ARK2C: variants seen among roughly 807,000 people sequenced by gnomAD.
ARK2C encodes the protein E3 ubiquitin-protein ligase ARK2C.
chr18:46,338,148 G>C, the ARK2C span, among the ~76,000 whole-genome samples: 1 of 152,152 alleles, frequency 6.6e-6, no homozygotes, highest in East Asian at 1.9e-4. Context: ...TTTTCTGTTT[G>C]CTGTCTCATT....
chr18:46,401,684 G>A, the ARK2C span, among the ~76,000 whole-genome samples: 3,118 of 152,268 alleles, frequency 0.02, 95 homozygotes, highest in African/African-American at 0.071. Context: ...CAGGCTGCTC[G>A]TTAAGTGAAC....
the ARK2C span, among the ~76,000 whole-genome samples, chr18:46,439,871 G>T: frequency 6.6e-6 from 1 of 151,796 alleles, no homozygotes; most frequent in Admixed American, 6.6e-5. Context: ...TCGCTCTGTC[G>T]CCAGGCTGGA....
chr18:46,385,382 ATG>A, the ARK2C span, among the ~76,000 whole-genome samples: 2 of 152,098 alleles, frequency 1.3e-5, no homozygotes, highest in Non-Finnish European at 2.9e-5. Flanking sequence ...GTGCCTGTGC[ATG>A]TGTGTGTGAG....
chr18:46,336,556 A>T, the ARK2C span: 1 of 985,370 alleles, frequency 1.0e-6, no homozygotes, highest in Non-Finnish European at 1.2e-6. Flanking sequence ...GCTTAACTCA[A>T]CAAGGTCCTA....
chr18:46,334,706 GT>G, the ARK2C span: 3 of 246,742 alleles, frequency 1.2e-5, no homozygotes, highest in South Asian at 6.2e-4. The surrounding 1 kb of genome is among the most constrained non-coding windows in gnomAD (Gnocchi z 4.4). Context: ...GTGTGTGTGT[GT>G]GTGTGTGTGA....
chr18:46,450,472 C>G, the ARK2C span: 4 of 1,167,730 alleles, frequency 3.4e-6, no homozygotes, highest in South Asian at 3.7e-5. Context: ...TTTCCCTCCC[C>G]ACCTCTGCTG....
chr18:46,433,314 A>C, the ARK2C span: 2 of 1,612,006 alleles, frequency 1.2e-6, no homozygotes, highest in Non-Finnish European at 1.7e-6. Flanking sequence ...AGTCGCAGCC[A>C]GGCCTCAGCG....
the ARK2C span, among the ~76,000 whole-genome samples, chr18:46,387,645 C>A: frequency 6.6e-6 from 1 of 152,240 alleles, no homozygotes; most frequent in South Asian, 2.1e-4. Context: ...GGCATACAGA[C>A]CCGTGGAGGG....
the ARK2C span, among the ~76,000 whole-genome samples, chr18:46,351,186 G>A: frequency 6.6e-5 from 10 of 152,194 alleles, no homozygotes; most frequent in African/African-American, 9.6e-5. Flanking sequence ...GCTTCCCACT[G>A]GAGTCGACAC....
the ARK2C span, among the ~76,000 whole-genome samples, chr18:46,399,606 TG>T: frequency 6.6e-6 from 1 of 152,172 alleles, no homozygotes; most frequent in Non-Finnish European, 1.5e-5. Context: ...GGGCTGGCAA[TG>T]AGTGTCCAGT....
At chr18:46,338,715 A>G in the ARK2C span, among the ~76,000 whole-genome samples, 1 of 152,172 alleles carries the variant, frequency 6.6e-6, no homozygotes, top group African/African-American at 2.4e-5. Flanking sequence ...CACCTATTCA[A>G]TTTCAGCCCA....
At chr18:46,371,555 G>T in the ARK2C span, among the ~76,000 whole-genome samples, 1 of 152,204 alleles carries the variant, frequency 6.6e-6, no homozygotes, top group African/African-American at 2.4e-5. Flanking sequence ...GAGCAAACAA[G>T]ATCTTTATGA....
the ARK2C span, among the ~76,000 whole-genome samples, chr18:46,384,277 G>A: frequency 6.6e-6 from 1 of 152,196 alleles, no homozygotes; most frequent in Non-Finnish European, 1.5e-5. Context: ...GGGCTGGGAT[G>A]CCCAAGGCCT....
At chr18:46,351,968 G>A in the ARK2C span, among the ~76,000 whole-genome samples, 1 of 152,190 alleles carries the variant, frequency 6.6e-6, no homozygotes, top group Non-Finnish European at 1.5e-5. Context: ...CTAGGGGTGG[G>A]TATATTTCCT....
At chr18:46,403,810 G>A in the ARK2C span, among the ~76,000 whole-genome samples, 1 of 152,042 alleles carries the variant, frequency 6.6e-6, no homozygotes, top group African/African-American at 2.4e-5. Context: ...CCTGGAAGGT[G>A]GAGGTTGCAG....
At chr18:46,448,650 G>A in the ARK2C span, among the ~76,000 whole-genome samples, 1 of 152,164 alleles carries the variant, frequency 6.6e-6, no homozygotes, top group Non-Finnish European at 1.5e-5. Flanking sequence ...GATCCCAGCG[G>A]GAGCTCTTGG....
the ARK2C span, among the ~76,000 whole-genome samples, chr18:46,411,739 C>T: frequency 2.0e-5 from 3 of 152,202 alleles, no homozygotes; most frequent in Non-Finnish European, 4.4e-5. Context: ...GGGTCAGATA[C>T]TTGGGGCTGC....
the ARK2C span, among the ~76,000 whole-genome samples, chr18:46,350,958 C>T: frequency 1.3e-5 from 2 of 152,174 alleles, no homozygotes; most frequent in Non-Finnish European, 2.9e-5. Context: ...TCCCTCTGCC[C>T]CTGGCGTGTG....
chr18:46,422,764 G>C, the ARK2C span, among the ~76,000 whole-genome samples: 1 of 152,184 alleles, frequency 6.6e-6, no homozygotes, highest in Non-Finnish European at 1.5e-5. Flanking sequence ...TCACACCCCC[G>C]CCCTTTGCTG....
Sources: gnomAD v4.1 joint callset for allele counts (sites outside exome capture counted in the v4.1 genomes callset) on GRCh38, gnomAD v4.1.1 for gene constraint, Gnocchi (gnomAD v3.1) non-coding constraint, MANE v1.5 for transcripts, NCBI Gene and HGNC (gene_info 2026-07-23, HGNC 2026-07-21) for gene names.